Variants in PKD1L1 observed in about 807,000 individuals in gnomAD.
The protein encoded by PKD1L1 is polycystin-1-like protein 1.
In PKD1L1, 236 loss-of-function variants were observed where a neutral mutation model predicts 323.4. That is an observed-to-expected ratio of 0.73 (90% CI 0.66 to 0.81). The LOEUF (loss-of-function observed/expected upper bound fraction) is 0.81. Ranked by LOEUF, PKD1L1 falls within the 40% of genes least tolerant of loss-of-function variation. The pLI, the probability that PKD1L1 is intolerant of heterozygous loss-of-function variation, is 0.00. For synonymous variants in PKD1L1, 1,344 were observed against 1,335.0 expected, an observed-to-expected ratio of 1.01 and a Z score of -0.15; for missense variants, 3,320 against 3,508.0, an observed-to-expected ratio of 0.95 and a Z score of 1.35.
chr7:47,894,183 T>G (rs554729871), intron 14 of PKD1L1, 124 bp from the exon 15 acceptor site: 1 of 808,982 alleles, frequency 1.2e-6, no homozygotes, highest in East Asian at 2.8e-5. Flanking sequence ...TGGCTCCAAC[T>G]AAAACAGTCT....
Position 47,839,599 on chromosome 7 carries a change from G to T in PKD1L1, c.5616C>A (p.Ser1872=). 1 of 1,598,254 alleles carries T rather than the reference G, an allele frequency of 6.3e-7. No individual in the cohort carries two copies. The change falls in exon 36 of 57, where the codon TCC becomes TCA. Residue 1872 remains serine (S), a synonymous_variant. Transcript: ENST00000289672. This position sits in a 1 kb window ranked among gnomAD's most constrained non-coding sequence, Gnocchi z 4.3. ...TCACGTGGCTGATGAACCAGCCTGG[G>T]GAAGGCCCACGGCTGTCGTGCCAGA... ...IRLWHDSRGP[S]PGWFISHVMV... is the part of the protein sequence containing the mutation.
Position 47,900,512 on chromosome 7 carries a change from T to C in PKD1L1, c.2064+1867A>G, listed in dbSNP as rs552255331. On this transcript the variant is annotated intron_variant, in intron 13 of 56. Coordinates refer to ENST00000289672, the MANE Select transcript of PKD1L1 (RefSeq NM_138295.5). ...GGGAGGCCAAGGTGGGCAGATCACCTGAGGTCAGGAGTTCAAGACCAGCCT... is the reference window on the plus strand; with the variant it reads ...GGGAGGCCAAGGTGGGCAGATCACCCGAGGTCAGGAGTTCAAGACCAGCCT... 3.9e-4 allele frequency among the ~76,000 whole-genome samples: 59 copies of C among 152,326 alleles called. 1 individual carries two copies. In the South Asian group the frequency reaches 5.8e-3, roughly 15 times the overall value.
At chr7:47,945,391 C>T (rs1252892410) in intron 1 of PKD1L1, among the ~76,000 whole-genome samples, 2 of 152,024 alleles carry the variant, frequency 1.3e-5, no homozygotes, top group East Asian at 1.9e-4. Flanking sequence ...CCCAAGAAGC[C>T]GCCACCAGAG....
intron 30 of PKD1L1, 116 bp downstream of exon 30, chr7:47,854,766 T>C: frequency 2.4e-6 from 3 of 1,266,058 alleles, no homozygotes; most frequent in Non-Finnish European, 3.4e-6. Context: ...CTTTAAACAA[T>C]GAGCCTCATT....
At chr7:47,873,414 C>T (rs1052896538) in intron 24 of PKD1L1, among the ~76,000 whole-genome samples, 9 of 151,762 alleles carry the variant, frequency 5.9e-5, no homozygotes, top group East Asian at 1.9e-4. Context: ...TTTGGGAGAC[C>T]GAGGCGGGTG....
intron 10 of PKD1L1, 145 bp downstream of exon 10, chr7:47,905,698 A>G (rs1005804809): frequency 8.7e-6 from 10 of 1,144,318 alleles, no homozygotes; most frequent in Non-Finnish European, 1.2e-5. Flanking sequence ...AACAAATGGC[A>G]GATGAACAAA....
chr7:47,897,996 G>A lies in PKD1L1; in HGVS notation c.2263C>T (p.Leu755Phe), dbSNP rs1414577730. 1.9e-6 allele frequency: 3 copies of A among 1,609,406 alleles called. No homozygotes were observed. The highest frequency in any genetic ancestry group is 2.5e-6 in the Non-Finnish European group (3 of 1,178,042). Residue 755 changes from leucine (L) to phenylalanine (F), a missense_variant, in exon 14 of 57, where the codon CTT becomes TTT. Leu to Phe is a conservative substitution (Grantham distance 22). Coordinates refer to ENST00000289672, the MANE Select transcript of PKD1L1 (RefSeq NM_138295.5). ...TAAGTCAGCCAGCTGACCTTGGCAA[G>A]GGCAGTGTAGTTCCCATACTCCAAG... ...HTLEYGNYTA[L>F]AKVQIEGSVV...
intron 26 of PKD1L1, 111 bp downstream of exon 26, chr7:47,865,105 C>A (rs759775758): frequency 6.7e-5 from 51 of 759,190 alleles, no homozygotes; most frequent in Non-Finnish European, 1.1e-4. Flanking sequence ...AATCACATTT[C>A]TAATCTAAGT....
intron 37 of PKD1L1, among the ~76,000 whole-genome samples, 196 bp from the exon 38 acceptor site, chr7:47,835,439 C>A (rs558435675): frequency 6.6e-6 from 1 of 152,154 alleles, no homozygotes; most frequent in Admixed American, 6.5e-5. Context: ...CTTTCTCTGT[C>A]GCCCAGCCTG....
intron 9 of PKD1L1, among the ~76,000 whole-genome samples, chr7:47,907,443 A>T (rs1787229641): frequency 6.6e-6 from 1 of 152,092 alleles, no homozygotes; most frequent in Admixed American, 6.6e-5. Context: ...ATGGCCTCTG[A>T]GCTTCCGGTC....
chr7:47,783,536 A>C (rs1198117069), intron 56 of PKD1L1, among the ~76,000 whole-genome samples: 3 of 152,220 alleles, frequency 2.0e-5, no homozygotes, highest in Non-Finnish European at 4.4e-5. Context: ...GGTGGATGTG[A>C]CCTTATTTTG....
intron 55 of PKD1L1, 111 bp downstream of exon 55, chr7:47,795,878 T>C (rs1784514524): frequency 7.7e-6 from 10 of 1,301,700 alleles, no homozygotes; most frequent in Non-Finnish European, 1.1e-5. Context: ...GCAAGGAGAT[T>C]TGGCATGGAA....
In PKD1L1 at chr7:47,915,570, A is replaced by G. The variant is rs17131941; in HGVS notation, c.1090T>C (p.Leu364=). 2.4e-3 allele frequency: 3,679 copies of G among 1,549,612 alleles called. 71 individuals are homozygous for G. In the African/African-American group the frequency reaches 0.044, roughly 19 times the overall value. The change falls in exon 8 of 57, where the codon TTG becomes CTG. Residue 364 remains leucine, a synonymous_variant. Coordinates refer to ENST00000289672, the MANE Select transcript of PKD1L1 (RefSeq NM_138295.5). ...GIFFHLLHFQ[L]DMSTYKEAET... ...GCTTCTTTGTAGGTGGACATATCCA[A>G]CTGAAAATGTAAAAGATGAAAAAAA... is the stretch of plus-strand genomic sequence containing the variant.
intron 18 of PKD1L1, 111 bp from the exon 19 acceptor site, chr7:47,884,768 A>C: frequency 1.2e-6 from 1 of 849,452 alleles, no homozygotes; most frequent in South Asian, 1.5e-5. Flanking sequence ...TCTAGACTCC[A>C]TACATTGCTC....
rs1788142845 is a variant in PKD1L1, at chr7:47,948,307, TC to T, written c.44+89del. 4 of 1,477,224 alleles carry T rather than the reference TC, an allele frequency of 2.7e-6. No homozygotes were observed. In the African/African-American group the frequency reaches 4.2e-5, roughly 15 times the overall value. 91.5% of individuals were successfully genotyped at this position (1,477,224 alleles called of 1,614,324 possible). A position where few individuals can be genotyped will look rare whatever the true frequency, so the allele number is the denominator to read the frequency against. Reference sequence around the variant, plus strand: ...CCACTCGTGCCAGAGTGAGCCCACATCCTAGAGGTGATGACTTTTGAAAGAA... The same window carrying T: ...CCACTCGTGCCAGAGTGAGCCCACATCTAGAGGTGATGACTTTTGAAAGAA... On this transcript the variant is annotated intron_variant, in intron 1 of 56. Coordinates refer to ENST00000289672, the MANE Select transcript of PKD1L1 (RefSeq NM_138295.5).
chr7:47,812,275 C>G (rs1784915579), intron 49 of PKD1L1, among the ~76,000 whole-genome samples: 1 of 152,100 alleles, frequency 6.6e-6, no homozygotes, highest in Non-Finnish European at 1.5e-5. Flanking sequence ...TTCCCTGCAG[C>G]AGCCCAGGGG....
chr7:47,941,182 G>A (rs1026696066), intron 2 of PKD1L1, among the ~76,000 whole-genome samples: 1 of 152,236 alleles, frequency 6.6e-6, no homozygotes, highest in African/African-American at 2.4e-5. Context: ...CGGGTGAAGA[G>A]GGGACTGGAG....
chr7:47,849,569 T>G (rs1235387408), intron 31 of PKD1L1, among the ~76,000 whole-genome samples: 1 of 152,026 alleles, frequency 6.6e-6, no homozygotes, highest in Non-Finnish European at 1.5e-5. Context: ...AGAAGATATG[T>G]AAATGGCTAA....
In PKD1L1 at chr7:47,829,527, C is replaced by T. The variant is rs1355544453; in HGVS notation, c.6633G>A (p.Glu2211=). 4.3e-6 allele frequency: 7 copies of T among 1,614,056 alleles called. No homozygotes were observed. Among genetic ancestry groups the T allele is most frequent in the Non-Finnish European group, 5.9e-6 (7 of 1,180,010 alleles). ...ATTCAGAGTCCAGATCCCTGGTAGC[C>T]TCACATAAAGACTCAGTAAAAAAGT... ...DNHFFTESLC[E]ATRDLDSELA... is the part of the protein sequence containing the mutation. Residue 2211 remains glutamate, a synonymous_variant, in exon 44 of 57, where the codon GAG becomes GAA. Coordinates refer to ENST00000289672, the MANE Select transcript of PKD1L1 (RefSeq NM_138295.5).
Sources: allele counts gnomAD v4.1 joint callset (sites outside exome capture counted in the v4.1 genomes callset), GRCh38; gene constraint gnomAD v4.1.1; non-coding constraint Gnocchi (gnomAD v3.1); transcripts MANE v1.5; gene names NCBI Gene and HGNC (gene_info 2026-07-23, HGNC 2026-07-21).